TAFA4: variants seen among roughly 807,000 people sequenced by gnomAD.
TAFA4 encodes TAFA chemokine like family member 4, also known as chemokine-like protein TAFA-4.
TAFA4 carries 20 observed loss-of-function variants against 21.1 expected under a neutral mutation model. The ratio of observed to expected loss-of-function variants is 0.95; its 90% confidence interval spans 0.67 to 1.38. The LOEUF (loss-of-function observed/expected upper bound fraction) is 1.38, where lower values mean the gene tolerates loss of function less well. Ranked by LOEUF, TAFA4 falls within the 40% of genes most tolerant of loss-of-function variation. The probability of loss-of-function intolerance (pLI) is 0.00; values close to 1 mark genes in which losing one functional copy is unlikely to be tolerated. For synonymous variants in TAFA4, 71 were observed against 67.4 expected (o/e 1.05, Z -0.26); for missense variants, 211 against 180.9 (o/e 1.17, Z -0.95).
chr3:68,915,456 G>C (rs2089995198), intron 1 of TAFA4, among the ~76,000 whole-genome samples: 1 of 152,160 alleles, frequency 6.6e-6, no homozygotes, highest in African/African-American at 2.4e-5. Flanking sequence ...ATGTTTTCAA[G>C]TCATTACTGC....
At chr3:68,840,617 T>C (rs1048715703) in intron 3 of TAFA4, among the ~76,000 whole-genome samples, 4 of 152,186 alleles carry the variant, frequency 2.6e-5, no homozygotes, top group Non-Finnish European at 5.9e-5. Flanking sequence ...AACTCTTATG[T>C]TGTTTCCTTC....
chr3:68,790,190 G>A (rs111531715), intron 3 of TAFA4, among the ~76,000 whole-genome samples: 2,609 of 151,806 alleles, frequency 0.017, 64 homozygotes, highest in African/African-American at 0.06. Context: ...AGGCTTCTAC[G>A]TTTTGCTAAG....
chr3:68,800,625 C>T lies in TAFA4; in HGVS notation c.131-47607G>A, dbSNP rs771406356. Among the ~76,000 whole-genome samples the T allele has an allele frequency of 1.8e-4, 28 of 152,278 alleles. No individual in the cohort carries two copies. The South Asian group carries it at 2.1e-3, about 11-fold the overall frequency. On this transcript the variant is annotated intron_variant, in intron 3 of 5. Transcript: ENST00000295569. Reference sequence around the variant, plus strand: ...TAGAGAGTGTGAGTTCTCTGCCTTCCTATCCACACTCAACTCCCCAACTGG... The same window carrying T: ...TAGAGAGTGTGAGTTCTCTGCCTTCTTATCCACACTCAACTCCCCAACTGG...
intron 3 of TAFA4, among the ~76,000 whole-genome samples, chr3:68,758,542 C>T (rs1021827163): frequency 2.6e-5 from 4 of 152,206 alleles, no homozygotes; most frequent in Non-Finnish European, 5.9e-5. Flanking sequence ...GATTGTGAGG[C>T]CTCCCCAGCC....
In TAFA4 at chr3:68,908,888, A is replaced by G. The variant is rs189952429; in HGVS notation, c.-123+23352T>C. ...CATGACAACGATCCAGGGTTCATTC[A>G]GCATCCATGGCCCAGATGGTCAAAA... is the stretch of plus-strand genomic sequence containing the variant. On this transcript the variant is annotated intron_variant, in intron 1 of 5. Coordinates refer to ENST00000295569, the MANE Select transcript of TAFA4 (RefSeq NM_182522.5). Among the ~76,000 whole-genome samples the G allele has an allele frequency of 3.7e-3, 565 of 152,332 alleles. 5 individuals are homozygous for G. The highest frequency in any genetic ancestry group is 0.013 in the African/African-American group (534 of 41,574).
chr3:68,837,818 T>C (rs1704557643), intron 3 of TAFA4, among the ~76,000 whole-genome samples: 1 of 152,200 alleles, frequency 6.6e-6, no homozygotes, highest in Non-Finnish European at 1.5e-5. Flanking sequence ...CAATAGTTTA[T>C]ATTAATGACT....
Position 68,807,117 on chromosome 3 carries a change from G to C in TAFA4, c.131-54099C>G, listed in dbSNP as rs187439267. Among the ~76,000 whole-genome samples the C allele has an allele frequency of 6.6e-4, 100 of 152,288 alleles. 1 individual carries two copies. In the South Asian group the frequency reaches 0.019, roughly 28 times the overall value. ...TTCTCTGCAATCCTGCCCCTTGTTT[G>C]CCTCAGCTGATCGGTCTAGGGCAGC... On this transcript the variant is annotated intron_variant, in intron 3 of 5. Coordinates refer to ENST00000295569, the MANE Select transcript of TAFA4 (RefSeq NM_182522.5).
At chr3:68,864,737 G>A (rs1039773781) in intron 3 of TAFA4, among the ~76,000 whole-genome samples, 1 of 152,114 alleles carries the variant, frequency 6.6e-6, no homozygotes, top group Non-Finnish European at 1.5e-5. Context: ...GCACATAATG[G>A]AATACTACTC....
intron 3 of TAFA4, among the ~76,000 whole-genome samples, chr3:68,835,987 TAC>T (rs1368518485): frequency 6.6e-6 from 1 of 152,230 alleles, no homozygotes; most frequent in Non-Finnish European, 1.5e-5. Flanking sequence ...GTGCGCAAAT[TAC>T]AGTGTATTTT....
At chr3:68,906,774 A>C (rs2089904951) in intron 1 of TAFA4, among the ~76,000 whole-genome samples, 1 of 152,080 alleles carries the variant, frequency 6.6e-6, no homozygotes. Flanking sequence ...TCACTCCTGT[A>C]ATCTCAGCAC....
chr3:68,827,383 T>A (rs1443555656), intron 3 of TAFA4, among the ~76,000 whole-genome samples: 1 of 152,182 alleles, frequency 6.6e-6, no homozygotes, highest in South Asian at 2.1e-4. Context: ...TTATTTATAA[T>A]CCTTTGGATA....
chr3:68,831,109 T>A (rs1395544219), intron 3 of TAFA4, among the ~76,000 whole-genome samples: 1 of 152,240 alleles, frequency 6.6e-6, no homozygotes, highest in South Asian at 2.1e-4. Context: ...GTCTCCTGAA[T>A]ACAGCACACC....
At chr3:68,809,797 T>C (rs1425214724) in intron 3 of TAFA4, among the ~76,000 whole-genome samples, 1 of 152,170 alleles carries the variant, frequency 6.6e-6, no homozygotes, top group African/African-American at 2.4e-5. Context: ...CCCAGCACCA[T>C]TTATTGAGAG....
At chr3:68,791,360 A>G (rs1474665529) in intron 3 of TAFA4, among the ~76,000 whole-genome samples, 2 of 152,152 alleles carry the variant, frequency 1.3e-5, no homozygotes, top group African/African-American at 4.8e-5. Flanking sequence ...GGAGGCCGAG[A>G]TTGAAGTGCT....
chr3:68,919,745 G>T (rs1297751126), intron 1 of TAFA4, among the ~76,000 whole-genome samples: 1 of 152,112 alleles, frequency 6.6e-6, no homozygotes, highest in African/African-American at 2.4e-5. Flanking sequence ...ACAGGAATTT[G>T]TAAGATTCTA....
intron 3 of TAFA4, among the ~76,000 whole-genome samples, chr3:68,833,507 T>C (rs1400327158): frequency 6.6e-6 from 1 of 152,094 alleles, no homozygotes; most frequent in South Asian, 2.1e-4. Flanking sequence ...AAAGGACCAA[T>C]ATAAAGATTA....
intron 1 of TAFA4, among the ~76,000 whole-genome samples, chr3:68,914,603 A>G (rs971639954): frequency 2.0e-5 from 3 of 152,232 alleles, no homozygotes; most frequent in South Asian, 4.1e-4. Flanking sequence ...TTAAGCTACA[A>G]CATCAAACTC....
At chr3:68,803,112 G>A (rs1012708055) in intron 3 of TAFA4, among the ~76,000 whole-genome samples, 5 of 149,180 alleles carry the variant, frequency 3.4e-5, no homozygotes, top group African/African-American at 7.5e-5. Context: ...AATTACAAAC[G>A]TAGCTCATTT....
intron 3 of TAFA4, among the ~76,000 whole-genome samples, chr3:68,809,865 T>A (rs182351598): frequency 2.0e-5 from 3 of 152,342 alleles, no homozygotes; most frequent in Admixed American, 1.3e-4. Flanking sequence ...TCAAAAATCA[T>A]TGGTCCGTAA....
Sources: allele counts gnomAD v4.1 joint callset (sites outside exome capture counted in the v4.1 genomes callset), GRCh38; gene constraint gnomAD v4.1.1; transcripts MANE v1.5; gene names NCBI Gene and HGNC (gene_info 2026-07-23, HGNC 2026-07-21).